The following RNF150 variants were observed in gnomAD, a reference collection of about 807,000 sequenced individuals.
The protein encoded by RNF150 is ring finger protein 150.
Under a neutral mutation model 39.3 loss-of-function variants are expected in RNF150, and 24 were observed. The ratio of observed to expected loss-of-function variants is 0.61; its 90% confidence interval spans 0.44 to 0.86. The LOEUF (loss-of-function observed/expected upper bound fraction) is 0.86. Ranked by LOEUF, RNF150 falls within the 40% of genes least tolerant of loss-of-function variation. RNF150 has a pLI of 0.00. For missense variants in RNF150, 502 were observed against 587.8 expected (o/e 0.85, Z 1.51); for synonymous variants, 255 against 227.3 (o/e 1.12, Z -1.10).
At chr4:141,122,973 ATTACTAGTATG>A (rs1726654566) in intron 1 of RNF150, among the ~76,000 whole-genome samples, 1 of 152,190 alleles carries the variant, frequency 6.6e-6, no homozygotes, top group Non-Finnish European at 1.5e-5. Flanking sequence ...CCTTCTGCTC[ATTACTAGTATG>A]CCTTTTTCCC....
chr4:141,179,787 T>C (rs1287863855), intron 1 of RNF150, among the ~76,000 whole-genome samples: 1 of 152,168 alleles, frequency 6.6e-6, no homozygotes, highest in Non-Finnish European at 1.5e-5. Flanking sequence ...CTCATTACTG[T>C]GGAGCCAGAA....
At chr4:140,922,776 A>G (rs968702751) in intron 5 of RNF150, among the ~76,000 whole-genome samples, 28 of 152,056 alleles carry the variant, frequency 1.8e-4, no homozygotes, top group South Asian at 6.2e-4. Flanking sequence ...ACAGAGATAT[A>G]GACCAATGGA....
intron 1 of RNF150, among the ~76,000 whole-genome samples, chr4:141,172,342 G>A (rs1727743908): frequency 6.6e-6 from 1 of 152,156 alleles, no homozygotes; most frequent in Non-Finnish European, 1.5e-5. Flanking sequence ...ATTAGCCAAA[G>A]GAAGGCGCAC....
At chr4:140,909,416 T>A (rs1341464811) in intron 6 of RNF150, among the ~76,000 whole-genome samples, 3 of 152,104 alleles carry the variant, frequency 2.0e-5, no homozygotes, top group Non-Finnish European at 4.4e-5. Context: ...TTAAATATTG[T>A]CTCAATAGTT....
chr4:140,917,134 C>T (rs2111292147), intron 5 of RNF150, among the ~76,000 whole-genome samples: 1 of 152,306 alleles, frequency 6.6e-6, no homozygotes, highest in Middle Eastern at 3.4e-3. Flanking sequence ...ACTGCATCAA[C>T]TAATGAGCAA....
At chr4:141,189,152 T>C (rs1728063620) in intron 1 of RNF150, among the ~76,000 whole-genome samples, 1 of 147,128 alleles carries the variant, frequency 6.8e-6, no homozygotes, top group East Asian at 1.9e-4. Flanking sequence ...GCAGGTCTGC[T>C]GGAGTTTGCT....
At chr4:140,976,129 AT>A (rs1469174771) in intron 1 of RNF150, among the ~76,000 whole-genome samples, 4 of 152,040 alleles carry the variant, frequency 2.6e-5, no homozygotes, top group Non-Finnish European at 5.9e-5. Context: ...GAAGGAAAGA[AT>A]TTTTTAAATT....
At chr4:141,023,394 C>G (rs1368857454) in intron 1 of RNF150, among the ~76,000 whole-genome samples, 1 of 149,802 alleles carries the variant, frequency 6.7e-6, no homozygotes, top group African/African-American at 2.5e-5. Flanking sequence ...TACAGGCGTG[C>G]ACCACCACAC....
At chr4:140,875,369 G>A (rs148970884) in intron 6 of RNF150, among the ~76,000 whole-genome samples, 2 of 152,192 alleles carry the variant, frequency 1.3e-5, no homozygotes, top group East Asian at 3.9e-4. Context: ...TACAGATGGA[G>A]TCTCACGATG....
intron 1 of RNF150, among the ~76,000 whole-genome samples, chr4:141,111,854 C>T (rs957421356): frequency 6.6e-6 from 1 of 151,836 alleles, no homozygotes; most frequent in African/African-American, 2.4e-5. Context: ...GAGTGTCGTG[C>T]TTTTATTTTG....
intron 1 of RNF150, among the ~76,000 whole-genome samples, chr4:140,985,228 C>T (rs1468174974): frequency 1.3e-5 from 2 of 151,990 alleles, no homozygotes; most frequent in African/African-American, 2.4e-5. Flanking sequence ...TGAATTTTGC[C>T]CCTCCCATTT....
intron 1 of RNF150, among the ~76,000 whole-genome samples, chr4:141,066,184 AAGAACATT>A (rs1303309278): frequency 2.6e-5 from 4 of 152,036 alleles, no homozygotes; most frequent in African/African-American, 9.7e-5. Context: ...CTCTGGATGC[AAGAACATT>A]AGAACAGGGT....
chr4:141,081,843 A>G (rs1738161427), intron 1 of RNF150, among the ~76,000 whole-genome samples: 1 of 152,222 alleles, frequency 6.6e-6, no homozygotes. Context: ...CCCTCATTCA[A>G]TATCAACGGA....
At chr4:141,086,211 C>T (rs1011902036) in intron 1 of RNF150, among the ~76,000 whole-genome samples, 26 of 152,166 alleles carry the variant, frequency 1.7e-4, no homozygotes, top group African/African-American at 5.8e-4. Context: ...TTCAAATTTT[C>T]TGCATCCTTC....
At chr4:141,190,886 G>A (rs183275100) in intron 1 of RNF150, among the ~76,000 whole-genome samples, 3 of 152,228 alleles carry the variant, frequency 2.0e-5, no homozygotes, top group African/African-American at 7.2e-5. Context: ...AATTAATAGA[G>A]TGAAAAGTTT....
chr4:141,045,135 T>C (rs930089708), intron 1 of RNF150, among the ~76,000 whole-genome samples: 4 of 152,220 alleles, frequency 2.6e-5, no homozygotes, highest in African/African-American at 9.6e-5. Context: ...AGTTCCAGAC[T>C]GCAAAGTCAT....
upstream of RNF150, among the ~76,000 whole-genome samples, chr4:141,136,610 C>T (rs1727031064): frequency 2.0e-5 from 3 of 152,170 alleles, no homozygotes; most frequent in South Asian, 6.2e-4. Flanking sequence ...ATATATAATA[C>T]TGTTGTAGAT....
chr4:140,897,607 T>G (rs551197271), intron 6 of RNF150, among the ~76,000 whole-genome samples: 1 of 152,340 alleles, frequency 6.6e-6, no homozygotes, highest in Admixed American at 6.5e-5. Flanking sequence ...ACATGGTTCC[T>G]AGACTGCTCT....
chr4:141,117,535 T>G (rs1726454648), intron 1 of RNF150, among the ~76,000 whole-genome samples: 1 of 152,164 alleles, frequency 6.6e-6, no homozygotes, highest in African/African-American at 2.4e-5. Flanking sequence ...CTAGAACAAA[T>G]GTATATGGTA....
Sources: allele counts gnomAD v4.1 joint callset (sites outside exome capture counted in the v4.1 genomes callset), GRCh38; gene constraint gnomAD v4.1.1; transcripts MANE v1.5; gene names NCBI Gene and HGNC (gene_info 2026-07-23, HGNC 2026-07-21).